IPO9: variants seen among roughly 807,000 people sequenced by gnomAD.
The protein encoded by IPO9 is importin-9.
In IPO9, 28 loss-of-function variants were observed where a neutral mutation model predicts 128.6. The ratio of observed to expected loss-of-function variants is 0.22; its 90% CI spans 0.16 to 0.30. The LOEUF (loss-of-function observed/expected upper bound fraction) is 0.30, where lower values mean the gene tolerates loss of function less well. Among genes scored for constraint, IPO9 ranks in the 10% least tolerant of loss-of-function variants. IPO9 has a pLI of 1.00. For missense variants in IPO9, 935 were observed against 1,293.9 expected, an observed-to-expected ratio of 0.72 and a Z score of 4.26; for synonymous variants, 455 against 475.8, an observed-to-expected ratio of 0.96 and a Z score of 0.57.
At position 201,848,462 on chromosome 1, in the gene IPO9, G is replaced by A; in HGVS notation, c.382G>A (p.Val128Met). 1 of 1,614,222 alleles carries A rather than the reference G, an allele frequency of 6.2e-7. No individual in the cohort carries two copies. Among genetic ancestry groups the A allele is most frequent in the African/African-American group, 1.3e-5 (1 of 75,064 alleles). ...ATCGATAAGCAAAGTGCGCTCCAGT[G>A]TGGCCTATGCAGTGTCAGCCATTGC... ...RESISKVRSS[V>M]AYAVSAIAHW... Residue 128 changes from valine (V) to methionine (M), a missense_variant, in exon 4 of 24, where the codon GTG becomes ATG. This residue lies in a region of IPO9 where 741 missense variants were observed against 1,019.1 expected (regional missense o/e 0.73). Transcript: ENST00000361565.
At position 201,870,853 on chromosome 1, in the gene IPO9, A is replaced by G; in HGVS notation, c.2404A>G (p.Met802Val). Residue 802 changes from methionine (M) to valine (V), a missense_variant, in exon 18 of 24, where the codon ATG (methionine) becomes GTG (valine). Coordinates refer to ENST00000361565, the MANE Select transcript of IPO9 (RefSeq NM_018085.5). This position sits in a 1 kb window ranked among gnomAD's most constrained non-coding sequence, Gnocchi z 4.9. ...GCAGCAGGCAGAGACGCTCAGTGTC[A>G]TGCAGGTAAGAGAGCAGTGGGGAGT... ...KMQQAETLSV[M>V]QSLIMVFAHL... The G allele has an allele frequency of 5.0e-6, 8 of 1,610,418 alleles. No individual in the cohort carries two copies. The highest frequency in any genetic ancestry group is 6.8e-6 in the Non-Finnish European group (8 of 1,177,534).
chr1:201,850,900 G>A (rs1680202426), intron 4 of IPO9: 1 of 152,310 alleles, frequency 6.6e-6, no homozygotes, highest in African/African-American at 2.4e-5. Flanking sequence ...GACTCGTGGG[G>A]ATTGATATTG....
At position 201,866,070 on chromosome 1, in the gene IPO9, G is replaced by A. The variant is rs143820100; in HGVS notation, c.1629-663G>A. Among the ~76,000 whole-genome samples, 36 of 152,332 alleles carry A rather than the reference G, an allele frequency of 2.4e-4. No homozygotes were observed. The East Asian group carries it at 5.4e-3, about 23-fold the overall frequency. ...GGAAGTCGGTGTTTCTTTAACTTGT[G>A]TTACTCCTAACACCTAATCTTCTCT... On this transcript the variant is annotated intron_variant, in intron 14 of 23. Transcript: ENST00000361565.
Position 201,883,292 on chromosome 1 carries a change from T to C in IPO9, c.*7238T>C, listed in dbSNP as rs575523720. 1 of 151,912 alleles carries C rather than the reference T, an allele frequency of 6.6e-6. No homozygotes were observed. Among genetic ancestry groups the C allele is most frequent in the Admixed American group, 6.6e-5 (1 of 15,250 alleles). 9.4% of individuals were successfully genotyped at this position (151,912 alleles called of 1,614,324 possible). A position where few individuals can be genotyped will look rare whatever the true frequency, so the allele number is the denominator to read the frequency against. On this transcript the variant is annotated 3_prime_UTR_variant, in exon 24 of 24. Coordinates refer to ENST00000361565, the MANE Select transcript of IPO9 (RefSeq NM_018085.5). ...AGAATAGCTGTGCTTCTGGACCCTATGGTGAAAGCTCTAGTGAACTGCAAT... is the reference window on the plus strand; with the variant it reads ...AGAATAGCTGTGCTTCTGGACCCTACGGTGAAAGCTCTAGTGAACTGCAAT...
chr1:201,834,371 A>T (rs1679889029), intron 1 of IPO9, among the ~76,000 whole-genome samples: 1 of 151,834 alleles, frequency 6.6e-6, no homozygotes, highest in African/African-American at 2.4e-5. Context: ...CATATTCTGT[A>T]CTCAGCTTCA....
At chr1:201,837,055 CTTG>C (rs1679954862) in intron 1 of IPO9, among the ~76,000 whole-genome samples, 1 of 152,184 alleles carries the variant, frequency 6.6e-6, no homozygotes, top group African/African-American at 2.4e-5. Context: ...TCTTAAAATA[CTTG>C]TTGTAGGTAC....
In IPO9 at chr1:201,853,117, A is replaced by G. The variant is rs1301018553; in HGVS notation, c.690+20A>G. On this transcript the variant is annotated intron_variant, in intron 6 of 23. Transcript: ENST00000361565. ...GAAAAGGTAAGCAGGTCTTTGGATC[A>G]ATAACAGACTTCATGCTTAAAAGTT... 2 of 1,596,996 alleles carry G rather than the reference A, an allele frequency of 1.3e-6. No homozygotes were observed. The highest frequency in any genetic ancestry group is 1.7e-6 in the Non-Finnish European group (2 of 1,164,474).
intron 1 of IPO9, among the ~76,000 whole-genome samples, chr1:201,844,634 A>G (rs773000684): frequency 3.9e-5 from 6 of 152,234 alleles, no homozygotes; most frequent in Non-Finnish European, 8.8e-5. Context: ...ATATCCATGA[A>G]CTCTGTACTG....
intron 5 of IPO9, among the ~76,000 whole-genome samples, chr1:201,852,411 A>G (rs1680236450): frequency 6.6e-6 from 1 of 152,222 alleles, no homozygotes; most frequent in Non-Finnish European, 1.5e-5. Flanking sequence ...TTCTTCACAT[A>G]TCGTACTTCC....
intron 20 of IPO9, among the ~76,000 whole-genome samples, chr1:201,873,444 C>CAAAAA (rs571580169): frequency 3.4e-5 from 2 of 58,202 alleles, no homozygotes; most frequent in African/African-American, 7.6e-5. Flanking sequence ...GACTCCGTCT[C>CAAAAA]AAAAAAAAAA....
At chr1:201,829,701 T>C (rs1313850382) in intron 1 of IPO9, 1 of 224,632 alleles carries the variant, frequency 4.5e-6, no homozygotes, top group Non-Finnish European at 8.7e-6. Flanking sequence ...GTCGGGGAAA[T>C]ATTTTTTGAG....
chr1:201,859,615 AAAT>A (rs1680403327), intron 13 of IPO9, among the ~76,000 whole-genome samples: 1 of 152,052 alleles, frequency 6.6e-6, no homozygotes. Context: ...GCCAATATCC[AAAT>A]AATTAAAATG....
At chr1:201,841,230 C>A (rs996927071) in intron 1 of IPO9, among the ~76,000 whole-genome samples, 25 of 152,080 alleles carry the variant, frequency 1.6e-4, no homozygotes, top group African/African-American at 5.8e-4. Context: ...TATTTGACTG[C>A]ATCATGTAGG....
chr1:201,847,532 T>C lies in IPO9; in HGVS notation c.226-20T>C, dbSNP rs778125317. On this transcript the variant is annotated intron_variant, in intron 2 of 23. Transcript: ENST00000361565. ...AAAAATCTTTTTCTTGCTGTACTAC[T>C]TGGCTTATTCTCTTCACAGCTGGCA... 27 of 1,604,786 alleles carry C rather than the reference T, an allele frequency of 1.7e-5. No individual in the cohort carries two copies. The Admixed American group carries it at 4.3e-4, about 26-fold the overall frequency.
At position 201,879,676 on chromosome 1, in the gene IPO9, GATA is replaced by G. The variant is rs1238180566; in HGVS notation, c.*3627_*3629del. On this transcript the variant is annotated 3_prime_UTR_variant, in exon 24 of 24. Coordinates refer to ENST00000361565, the MANE Select transcript of IPO9 (RefSeq NM_018085.5). ...TGTAACATTTCAATAAATGCAGATTGATAATAACATCTGTGCAGAGTTGAGGAC... is the reference window on the plus strand; with the variant it reads ...TGTAACATTTCAATAAATGCAGATTGATAACATCTGTGCAGAGTTGAGGAC... 7 of 152,232 alleles carry G rather than the reference GATA, an allele frequency of 4.6e-5. No homozygotes were observed. Among genetic ancestry groups the G allele is most frequent in the South Asian group, 2.1e-4 (1 of 4,834 alleles). 9.4% of individuals were successfully genotyped at this position (152,232 alleles called of 1,614,324 possible).
Position 201,870,470 on chromosome 1 carries a change from C to A in IPO9, c.2134-113C>A. ...ATGAGCCCACCACAAACATTATAGACTCACCGCTTTTATGAGGCATAGGCC... is the reference window on the plus strand; with the variant it reads ...ATGAGCCCACCACAAACATTATAGAATCACCGCTTTTATGAGGCATAGGCC... On this transcript the variant is annotated intron_variant, in intron 17 of 23. Transcript: ENST00000361565. This position sits in a 1 kb window ranked among gnomAD's most constrained non-coding sequence, Gnocchi z 4.9. The A allele has an allele frequency of 8.4e-7, 1 of 1,196,244 alleles. No homozygotes were observed. The highest frequency in any genetic ancestry group is 1.2e-6 in the Non-Finnish European group (1 of 868,376). The allele number at this position is 1,196,244 out of a possible 1,614,324, so 74.1% of individuals were successfully genotyped here.
chr1:201,864,410 A>G (rs1680511883), intron 14 of IPO9, among the ~76,000 whole-genome samples: 1 of 152,252 alleles, frequency 6.6e-6, no homozygotes. Flanking sequence ...GAGGCAAACT[A>G]AGTATAGCTT....
At chr1:201,855,205 A>C in intron 9 of IPO9, 23 bp downstream of exon 9, 2 of 1,484,974 alleles carry the variant, frequency 1.3e-6, no homozygotes, top group Non-Finnish European at 1.9e-6. Context: ...TTTGATCTTT[A>C]TAGAAATACC....
chr1:201,874,159 C>A, intron 20 of IPO9, 91 bp from the exon 21 acceptor site: 1 of 1,398,278 alleles, frequency 7.2e-7, no homozygotes. Context: ...GGGTGGTGAA[C>A]TCTGGTGAGT....
Sources: allele counts gnomAD v4.1 joint callset (sites outside exome capture counted in the v4.1 genomes callset), GRCh38; gene constraint gnomAD v4.1.1; regional missense constraint gnomAD v4.1.1; non-coding constraint Gnocchi (gnomAD v3.1); transcripts MANE v1.5; gene names NCBI Gene and HGNC (gene_info 2026-07-23, HGNC 2026-07-21).